The following PPP4R2 variants were observed in gnomAD, a reference collection of about 807,000 sequenced individuals.
PPP4R2 encodes serine/threonine-protein phosphatase 4 regulatory subunit 2.
In PPP4R2, 13 loss-of-function variants were observed where a neutral mutation model predicts 47.2. The observed-to-expected ratio is 0.28, with a 90% CI of 0.18 to 0.44. PPP4R2 has a LOEUF of 0.44. Among genes scored for constraint, PPP4R2 ranks in the 20% least tolerant of loss-of-function variants. The probability of loss-of-function intolerance (pLI) is 1.00; values close to 1 mark genes in which losing one functional copy is unlikely to be tolerated. For missense variants in PPP4R2, 421 were observed against 491.2 expected (o/e 0.86, Z 1.35); for synonymous variants, 151 against 163.3 (o/e 0.92, Z 0.57).
intron 2 of PPP4R2, among the ~76,000 whole-genome samples, chr3:73,010,564 CT>C (rs5850094): frequency 0.52 from 76,444 of 147,606 alleles, 19,589 homozygotes; most frequent in South Asian, 0.6. Flanking sequence ...CTCTCGCTCT[CT>C]TTTTTTTTTT....
At chr3:73,000,109 G>T (rs1453733150) in intron 2 of PPP4R2, among the ~76,000 whole-genome samples, 1 of 152,192 alleles carries the variant, frequency 6.6e-6, no homozygotes, top group Non-Finnish European at 1.5e-5. Context: ...ATTTCCACCG[G>T]ATGTGGTGGC....
At chr3:73,003,786 C>T (rs1240199211) in intron 2 of PPP4R2, among the ~76,000 whole-genome samples, 1 of 152,050 alleles carries the variant, frequency 6.6e-6, no homozygotes, top group Non-Finnish European at 1.5e-5. Flanking sequence ...ACAACCTCCA[C>T]CTCCTGGGTT....
At chr3:73,030,166 T>C (rs1199921658) in intron 2 of PPP4R2, among the ~76,000 whole-genome samples, 1 of 152,188 alleles carries the variant, frequency 6.6e-6, no homozygotes, top group Non-Finnish European at 1.5e-5. Flanking sequence ...TGATCCATTA[T>C]TAGCAAATAA....
At chr3:73,053,481 G>A (rs182966401) in intron 3 of PPP4R2, among the ~76,000 whole-genome samples, 217 of 152,276 alleles carry the variant, frequency 1.4e-3, no homozygotes, top group South Asian at 2.7e-3. Flanking sequence ...TAAAATAACA[G>A]TTCAGACTAT....
intron 2 of PPP4R2, among the ~76,000 whole-genome samples, chr3:73,012,502 C>T (rs1195770456): frequency 3.9e-5 from 6 of 152,068 alleles, no homozygotes; most frequent in Non-Finnish European, 5.9e-5. Flanking sequence ...TGTGTTTCAC[C>T]ATGTTAGCCA....
intron 2 of PPP4R2, among the ~76,000 whole-genome samples, chr3:73,024,774 A>G (rs1309682461): frequency 9.2e-5 from 14 of 152,310 alleles, no homozygotes; most frequent in African/African-American, 3.4e-4. Context: ...TTTTGAAAGC[A>G]TCAAATTCAT....
At position 73,058,721 on chromosome 3, in the gene PPP4R2, C is replaced by T. The variant is rs1163756698; in HGVS notation, c.288-316C>T. ...TGTACGATAAATTATTGTAGTCAACCTGTTGTGCTATCAAATACTAGATCT... is the reference window on the plus strand; with the variant it reads ...TGTACGATAAATTATTGTAGTCAACTTGTTGTGCTATCAAATACTAGATCT... On this transcript the variant is annotated intron_variant, in intron 3 of 8. Transcript: ENST00000356692. 7.9e-5 allele frequency among the ~76,000 whole-genome samples: 12 copies of T among 152,014 alleles called. 2 individuals carry two copies. The East Asian group carries it at 2.3e-3, about 29-fold the overall frequency.
chr3:73,054,148 C>T (rs1702679805), intron 3 of PPP4R2, among the ~76,000 whole-genome samples: 1 of 152,098 alleles, frequency 6.6e-6, no homozygotes, highest in Non-Finnish European at 1.5e-5. Flanking sequence ...GAACTTCTGA[C>T]CTCAGGTGAT....
At chr3:73,029,234 C>T (rs1049439029) in intron 2 of PPP4R2, among the ~76,000 whole-genome samples, 1 of 152,226 alleles carries the variant, frequency 6.6e-6, no homozygotes, top group Non-Finnish European at 1.5e-5. Flanking sequence ...AGCCACTTCG[C>T]CTGGCTAGTA....
rs140511657 is a variant in PPP4R2 at position 73,062,063 on chromosome 3, C to T, written c.419+1003C>T. 429 of 1,495,650 alleles carry T rather than the reference C, an allele frequency of 2.9e-4. 4 individuals carry two copies. The African/African-American group carries it at 5.5e-3, about 19-fold the overall frequency. 92.6% of individuals were successfully genotyped at this position (1,495,650 alleles called of 1,614,324 possible). ...GAAAAATGGTAAAGAAGTGCAGAGTCAAGTCATAGCGACTAATAATGGGTT... is the reference window on the plus strand; with the variant it reads ...GAAAAATGGTAAAGAAGTGCAGAGTTAAGTCATAGCGACTAATAATGGGTT... On this transcript the variant is annotated intron_variant, in intron 5 of 8. Coordinates refer to ENST00000356692, the MANE Select transcript of PPP4R2 (RefSeq NM_174907.4).
rs182960374 is a variant in PPP4R2 at position 73,019,962 on chromosome 3, T to C, written c.116+21804T>C. On this transcript the variant is annotated intron_variant, in intron 2 of 8. Transcript: ENST00000356692. Reference sequence around the variant, plus strand: ...AATATTATTCTGCCAAGGTGTAGGCTTCTTCTAGAGGGCATAATTTGGTTG... The same window carrying C: ...AATATTATTCTGCCAAGGTGTAGGCCTCTTCTAGAGGGCATAATTTGGTTG... 2.0e-5 allele frequency among the ~76,000 whole-genome samples: 3 copies of C among 152,270 alleles called. No homozygotes were observed. In the East Asian group the frequency reaches 5.8e-4, roughly 29 times the overall value.
Position 73,066,625 on chromosome 3 carries a change from A to C in PPP4R2, c.*903A>C, listed in dbSNP as rs898957706. 4 of 152,110 alleles carry C rather than the reference A, an allele frequency of 2.6e-5. No individual in the cohort carries two copies. The highest frequency in any genetic ancestry group is 9.6e-5 in the African/African-American group (4 of 41,468). 9.4% of individuals were successfully genotyped at this position (152,110 alleles called of 1,614,324 possible). A position where few individuals can be genotyped will look rare whatever the true frequency, so the allele number is the denominator to read the frequency against. ...TGAAGCTGATATGAGACCATCTCAGAAGAACCAAGTAGGTTCCTTGACCTT... is the reference window on the plus strand; with the variant it reads ...TGAAGCTGATATGAGACCATCTCAGCAGAACCAAGTAGGTTCCTTGACCTT... On this transcript the variant is annotated 3_prime_UTR_variant, in exon 9 of 9. Transcript: ENST00000356692.
intron 2 of PPP4R2, among the ~76,000 whole-genome samples, chr3:73,032,978 G>T (rs1396944974): frequency 2.6e-5 from 4 of 152,094 alleles, no homozygotes; most frequent in African/African-American, 9.7e-5. Context: ...CTCTAGACCT[G>T]CCTGAATCCT....
In PPP4R2 at chr3:73,067,856, G is replaced by T. The variant is rs544408846; in HGVS notation, c.*2134G>T. 2 of 152,120 alleles carry T rather than the reference G, an allele frequency of 1.3e-5. No individual in the cohort carries two copies. Among genetic ancestry groups the T allele is most frequent in the Non-Finnish European group, 2.9e-5 (2 of 68,008 alleles). 9.4% of individuals were successfully genotyped at this position (152,120 alleles called of 1,614,324 possible). On this transcript the variant is annotated 3_prime_UTR_variant, in exon 9 of 9. Transcript: ENST00000356692. ...CTTTATTAAATAAAGTACAATAATG[G>T]TGAATGTACCAAAATGACATCACTT...
chr3:73,046,677 A>G lies in PPP4R2; in HGVS notation c.117-509A>G, dbSNP rs1339970417. Among the ~76,000 whole-genome samples, 12 of 152,302 alleles carry G rather than the reference A, an allele frequency of 7.9e-5. 2 individuals are homozygous for G. In the East Asian group the frequency reaches 2.3e-3, roughly 29 times the overall value. ...CATGCCTTTTGTCTCTTAAGTGACA[A>G]AAGAGCCTGAAGATATTAACTGAAA... On this transcript the variant is annotated intron_variant, in intron 2 of 8. Coordinates refer to ENST00000356692, the MANE Select transcript of PPP4R2 (RefSeq NM_174907.4).
At chr3:73,063,056 T>C (rs1302908816) in intron 5 of PPP4R2, 1 of 755,014 alleles carries the variant, frequency 1.3e-6, no homozygotes, top group African/African-American at 1.8e-5. Context: ...GGGAAATATT[T>C]TGAGTTTGGG....
intron 2 of PPP4R2, among the ~76,000 whole-genome samples, chr3:73,009,524 A>G (rs560135088): frequency 6.6e-6 from 1 of 152,318 alleles, no homozygotes; most frequent in East Asian, 1.9e-4. Flanking sequence ...GAATGTATGG[A>G]ATCATAATGT....
intron 5 of PPP4R2, chr3:73,062,023 A>C (rs948220486): frequency 2.4e-6 from 3 of 1,241,352 alleles, no homozygotes; most frequent in Middle Eastern, 2.8e-4. Flanking sequence ...TTGCTCATGA[A>C]CGTGAGGTAT....
chr3:73,005,637 T>C (rs1701593550), intron 2 of PPP4R2, among the ~76,000 whole-genome samples: 1 of 151,734 alleles, frequency 6.6e-6, no homozygotes, highest in South Asian at 2.1e-4. Flanking sequence ...TCACCTGAGG[T>C]CGGGAGTTCA....
Sources: allele counts gnomAD v4.1 joint callset (sites outside exome capture counted in the v4.1 genomes callset), GRCh38; gene constraint gnomAD v4.1.1; transcripts MANE v1.5; gene names NCBI Gene and HGNC (gene_info 2026-07-23, HGNC 2026-07-21).